The following BANK1 variants were observed in gnomAD, a reference collection of about 807,000 sequenced individuals.
BANK1 encodes the protein B cell scaffold protein with ankyrin repeats 1, also known as B-cell scaffold protein with ankyrin repeats.
BANK1 carries 95 observed loss-of-function variants against 94.5 expected under a neutral mutation model. That is an observed-to-expected ratio of 1.00 (90% CI 0.85 to 1.19). The LOEUF (loss-of-function observed/expected upper bound fraction) is 1.19. Ranked by LOEUF, BANK1 falls within the 50% of genes most tolerant of loss-of-function variation. BANK1 has a pLI of 0.00. For missense variants in BANK1, 987 were observed against 932.2 expected, an observed-to-expected ratio of 1.06 and a Z score of -0.77; for synonymous variants, 334 against 308.4, an observed-to-expected ratio of 1.08 and a Z score of -0.87.
intron 7 of BANK1, among the ~76,000 whole-genome samples, chr4:101,958,340 G>T (rs1227277075): frequency 2.6e-5 from 4 of 151,552 alleles, no homozygotes; most frequent in Admixed American, 2.6e-4. Context: ...TTTCCAAAAT[G>T]GAATAGTAAA....
chr4:101,993,279 G>A (rs929688716), intron 7 of BANK1, among the ~76,000 whole-genome samples: 2 of 152,112 alleles, frequency 1.3e-5, no homozygotes, highest in African/African-American at 4.8e-5. Flanking sequence ...GTTGTACATC[G>A]TTTTCTCATA....
In BANK1 at chr4:102,025,304, A is replaced by G. The variant is rs747039827; in HGVS notation, c.1389A>G (p.Gly463=). The G allele has an allele frequency of 1.2e-6, 2 of 1,614,118 alleles. No homozygotes were observed. The highest frequency in any genetic ancestry group is 2.2e-5 in the South Asian group (2 of 91,086). ...NEMEGEGKQN[G]SGMETKHSPL... ...TGGAAGGGGAAGGAAAACAGAATGG[A>G]TCAGGCATGGAGACCAAACACAGCC... Residue 463 remains glycine (G), a synonymous_variant, in exon 9 of 17, where the codon GGA becomes GGG. Coordinates refer to ENST00000322953, the MANE Select transcript of BANK1 (RefSeq NM_017935.5).
chr4:102,038,441 A>G (rs1727593843), intron 10 of BANK1, among the ~76,000 whole-genome samples: 4 of 152,286 alleles, frequency 2.6e-5, no homozygotes, highest in Admixed American at 2.0e-4. Flanking sequence ...CCATTTCCTT[A>G]TTGAATACAA....
intron 3 of BANK1, among the ~76,000 whole-genome samples, chr4:101,859,703 A>G (rs918145437): frequency 1.3e-5 from 2 of 152,226 alleles, no homozygotes; most frequent in Admixed American, 1.3e-4. Context: ...GAAGTATGGA[A>G]CAGAGCTGAG....
At chr4:101,934,930 A>T (rs1723479622) in intron 7 of BANK1, among the ~76,000 whole-genome samples, 1 of 151,516 alleles carries the variant, frequency 6.6e-6, no homozygotes, top group South Asian at 2.1e-4. Flanking sequence ...TCTTGCTGAA[A>T]TGTCATCTTC....
chr4:101,866,563 A>G (rs1280365280), intron 4 of BANK1, among the ~76,000 whole-genome samples: 2 of 152,162 alleles, frequency 1.3e-5, no homozygotes, highest in African/African-American at 4.8e-5. Flanking sequence ...AGAAAACTGA[A>G]AACAAAAGAG....
At chr4:102,029,397 A>G (rs1334299273) in intron 9 of BANK1, among the ~76,000 whole-genome samples, 1 of 138,930 alleles carries the variant, frequency 7.2e-6, no homozygotes, top group East Asian at 1.9e-4. Context: ...ACTTCAAATG[A>G]AAAAAAAAAT....
At position 101,974,284 on chromosome 4, in the gene BANK1, C is replaced by T. The variant is rs75737726; in HGVS notation, c.1207-47230C>T. The stretch of plus-strand genomic sequence containing the variant: ...TGGAGGGCAGCATTTAGCTATTAGC[C>T]GCTTTCACTCCTTTTACTTTAATCA... On this transcript the variant is annotated intron_variant, in intron 7 of 16. Transcript: ENST00000322953. 4.7e-3 allele frequency among the ~76,000 whole-genome samples: 719 copies of T among 152,176 alleles called. 13 individuals carry two copies. In the East Asian group the frequency reaches 0.057, roughly 12 times the overall value.
At chr4:101,822,759 G>T (rs961818082) in intron 1 of BANK1, among the ~76,000 whole-genome samples, 17 of 151,896 alleles carry the variant, frequency 1.1e-4, no homozygotes, top group African/African-American at 4.1e-4. Context: ...GGGACTACAG[G>T]TGTCCGCCAC....
At chr4:101,960,850 G>T (rs544192635) in intron 7 of BANK1, among the ~76,000 whole-genome samples, 2 of 152,096 alleles carry the variant, frequency 1.3e-5, no homozygotes, top group Non-Finnish European at 2.9e-5. Flanking sequence ...TTTTAGCTCC[G>T]CCTCTTCTAC....
At chr4:102,065,744 G>A (rs936158263) in intron 13 of BANK1, among the ~76,000 whole-genome samples, 3 of 151,800 alleles carry the variant, frequency 2.0e-5, no homozygotes, top group African/African-American at 7.3e-5. Context: ...CAAGTAGAAA[G>A]TATAGAAAGT....
chr4:101,834,766 G>A (rs1726761423), intron 2 of BANK1, among the ~76,000 whole-genome samples: 1 of 151,988 alleles, frequency 6.6e-6, no homozygotes, highest in African/African-American at 2.4e-5. Context: ...TTCAGAAACA[G>A]GCTATGAAAA....
chr4:101,829,951 T>C lies in BANK1; in HGVS notation c.214T>C (p.Leu72=). 2 of 1,613,948 alleles carry C rather than the reference T, an allele frequency of 1.2e-6. No homozygotes were observed. Among genetic ancestry groups the C allele is most frequent in the Non-Finnish European group, 1.7e-6 (2 of 1,179,932 alleles). ...LENFSFRHLE[L]LNLTSYKCKL... ...GAATTTCTCTTTTCGGCATTTGGAGTTGCTGAACTTAACGTCTTACAAATG... is the reference window on the plus strand; with the variant it reads ...GAATTTCTCTTTTCGGCATTTGGAGCTGCTGAACTTAACGTCTTACAAATG... Residue 72 remains leucine, a synonymous_variant, in exon 2 of 17, where the codon TTG becomes CTG. Transcript: ENST00000322953.
At chr4:101,953,196 C>G (rs1464526482) in intron 7 of BANK1, among the ~76,000 whole-genome samples, 12 of 152,140 alleles carry the variant, frequency 7.9e-5, no homozygotes, top group Admixed American at 5.9e-4. Context: ...CGTGCTCTTT[C>G]ATCCATAAAC....
intron 7 of BANK1, among the ~76,000 whole-genome samples, chr4:101,989,431 CAAAAAAAAA>C (rs899065744): frequency 3.2e-5 from 1 of 31,074 alleles, no homozygotes; most frequent in Non-Finnish European, 7.2e-5. Context: ...GACTCCGTCT[CAAAAAAAAA>C]AAAAAAAAAA....
At chr4:102,072,211 C>G (rs1037909016) in intron 14 of BANK1, 134 bp from the exon 15 acceptor site, 8 of 746,550 alleles carry the variant, frequency 1.1e-5, no homozygotes, top group Non-Finnish European at 1.8e-5. Flanking sequence ...CGGTATCCCC[C>G]TTTTATCTTC....
chr4:102,049,369 G>T lies in BANK1; in HGVS notation c.1969+5462G>T, dbSNP rs559585427. Among the ~76,000 whole-genome samples the T allele has an allele frequency of 3.9e-5, 6 of 152,188 alleles. No individual in the cohort carries two copies. The East Asian group carries it at 9.7e-4, about 24-fold the overall frequency. On this transcript the variant is annotated intron_variant, in intron 11 of 16. Transcript: ENST00000322953. ...TCATATATAGTCTAGGGTCAAGTTT[G>T]TTCACATCTTGGACTGTACAGAAGG...
chr4:101,958,629 T>G (rs1190147071), intron 7 of BANK1, among the ~76,000 whole-genome samples: 2 of 152,210 alleles, frequency 1.3e-5, no homozygotes, highest in South Asian at 4.1e-4. Context: ...CACCTGGCAG[T>G]GATCACTCTA....
At chr4:101,872,752 C>T (rs1056354332) in intron 5 of BANK1, among the ~76,000 whole-genome samples, 1 of 151,940 alleles carries the variant, frequency 6.6e-6, no homozygotes, top group Non-Finnish European at 1.5e-5. Context: ...TTTAGGAGTT[C>T]GAGGCAGGTG....
Sources: gnomAD v4.1 joint callset for allele counts (sites outside exome capture counted in the v4.1 genomes callset) on GRCh38, gnomAD v4.1.1 for gene constraint, MANE v1.5 for transcripts, NCBI Gene and HGNC (gene_info 2026-07-23, HGNC 2026-07-21) for gene names.